The following CTNND2 variants were observed in gnomAD, a reference collection of about 807,000 sequenced individuals.
CTNND2 encodes catenin delta-2.
Under a neutral mutation model 144.4 loss-of-function variants are expected in CTNND2, and 22 were observed. That is an observed-to-expected ratio of 0.15 (90% CI 0.11 to 0.22). CTNND2 has a LOEUF of 0.22. Among genes scored for constraint, CTNND2 ranks in the 10% least tolerant of loss-of-function variants. The pLI is 1.00. For synonymous variants in CTNND2, 751 were observed against 695.6 expected, an observed-to-expected ratio of 1.08 and a Z score of -1.25; for missense variants, 1,353 against 1,618.8, an observed-to-expected ratio of 0.84 and a Z score of 2.82.
intron 2 of CTNND2, among the ~76,000 whole-genome samples, chr5:11,630,778 G>T (rs773518671): frequency 6.6e-6 from 1 of 151,710 alleles, no homozygotes; most frequent in African/African-American, 2.4e-5. Context: ...ATGGTGAAAT[G>T]CCGTCTCTAC....
At chr5:11,555,811 TC>T (rs1221340557) in intron 3 of CTNND2, among the ~76,000 whole-genome samples, 1 of 152,132 alleles carries the variant, frequency 6.6e-6, no homozygotes, top group Admixed American at 6.5e-5. Context: ...GAGGGAAGGT[TC>T]TGCTCTGGAA....
chr5:11,898,116 T>C (rs1349977708), intron 1 of CTNND2, among the ~76,000 whole-genome samples: 1 of 152,196 alleles, frequency 6.6e-6, no homozygotes, highest in East Asian at 1.9e-4. Flanking sequence ...GTAATTCAAC[T>C]GCCACACCAA....
intron 2 of CTNND2, among the ~76,000 whole-genome samples, chr5:11,680,578 C>T (rs752790568): frequency 9.9e-5 from 15 of 152,030 alleles, no homozygotes; most frequent in Non-Finnish European, 2.2e-4. Flanking sequence ...AGGTTTTCAG[C>T]GAGAAATTAT....
chr5:11,370,300 C>T (rs1291908237), intron 7 of CTNND2, among the ~76,000 whole-genome samples: 1 of 151,920 alleles, frequency 6.6e-6, no homozygotes, highest in Non-Finnish European at 1.5e-5. Context: ...ATACAACCCC[C>T]AAGAGATTCT....
At chr5:11,799,741 T>A (rs936795943) in intron 1 of CTNND2, among the ~76,000 whole-genome samples, 2 of 152,240 alleles carry the variant, frequency 1.3e-5, no homozygotes, top group African/African-American at 4.8e-5. Flanking sequence ...AACAGCATTC[T>A]AACTGCACAG....
intron 2 of CTNND2, among the ~76,000 whole-genome samples, chr5:11,613,253 TTG>T (rs1780421051): frequency 6.6e-6 from 1 of 152,194 alleles, no homozygotes; most frequent in South Asian, 2.1e-4. Flanking sequence ...AGTAATGAAA[TTG>T]TGGCTTACCT....
intron 2 of CTNND2, among the ~76,000 whole-genome samples, chr5:11,645,218 A>G (rs1405869585): frequency 6.6e-6 from 1 of 152,032 alleles, no homozygotes; most frequent in Non-Finnish European, 1.5e-5. Flanking sequence ...CTCCCACCTC[A>G]GTCTTCCCAA....
intron 12 of CTNND2, among the ~76,000 whole-genome samples, chr5:11,137,298 A>AT (rs1756261259): frequency 6.6e-6 from 1 of 152,168 alleles, no homozygotes; most frequent in Non-Finnish European, 1.5e-5. Flanking sequence ...AAAGGCAGGA[A>AT]TTTTATTAAT....
intron 2 of CTNND2, among the ~76,000 whole-genome samples, chr5:11,614,117 T>C (rs2126395560): frequency 6.6e-6 from 1 of 152,320 alleles, no homozygotes; most frequent in South Asian, 2.1e-4. Context: ...TAAAATAGTG[T>C]GATTATTTTG....
At chr5:11,197,189 G>T (rs545706547) in intron 11 of CTNND2, among the ~76,000 whole-genome samples, 46 of 152,288 alleles carry the variant, frequency 3.0e-4, no homozygotes, top group Middle Eastern at 6.8e-3. Context: ...ATCCATGATG[G>T]CAACTTCAGA....
intron 11 of CTNND2, among the ~76,000 whole-genome samples, chr5:11,172,835 G>C (rs1001922079): frequency 6.6e-6 from 1 of 152,198 alleles, no homozygotes; most frequent in Non-Finnish European, 1.5e-5. Flanking sequence ...CGTGGAGAGA[G>C]AGTGTTGGAG....
intron 11 of CTNND2, among the ~76,000 whole-genome samples, chr5:11,196,517 AG>A (rs1337781704): frequency 6.6e-6 from 1 of 152,186 alleles, no homozygotes; most frequent in Non-Finnish European, 1.5e-5. Flanking sequence ...AAAGGAAGTA[AG>A]GGGTATAGTT....
chr5:11,528,990 G>A (rs963092112), intron 3 of CTNND2, among the ~76,000 whole-genome samples: 4 of 152,188 alleles, frequency 2.6e-5, no homozygotes, highest in African/African-American at 9.7e-5. Flanking sequence ...TGACAGGTAT[G>A]GAGTGATGAA....
At chr5:11,382,576 C>T (rs1758601864) in intron 7 of CTNND2, among the ~76,000 whole-genome samples, 1 of 147,532 alleles carries the variant, frequency 6.8e-6, no homozygotes, top group South Asian at 2.2e-4. Context: ...CCAGCCTGGG[C>T]AACCGACAGA....
chr5:11,418,104 G>A (rs1393648912), intron 3 of CTNND2, among the ~76,000 whole-genome samples: 3 of 151,920 alleles, frequency 2.0e-5, no homozygotes, highest in African/African-American at 7.2e-5. Flanking sequence ...GTAAGATATC[G>A]GTTTGAAAAG....
At chr5:11,065,164 C>T (rs917070304) in intron 16 of CTNND2, among the ~76,000 whole-genome samples, 1 of 152,230 alleles carries the variant, frequency 6.6e-6, no homozygotes, top group Non-Finnish European at 1.5e-5. Flanking sequence ...AGAAGTCCTG[C>T]TTTAAGCCAA....
Position 10,973,426 on chromosome 5 carries a change from G to C in CTNND2, c.*27C>G. 1 of 1,542,588 alleles carries C rather than the reference G, an allele frequency of 6.5e-7. No individual in the cohort carries two copies. The highest frequency in any genetic ancestry group is 8.7e-7 in the Non-Finnish European group (1 of 1,145,952). Reference sequence around the variant, plus strand: ...CTTGTGGTATGCATGCACATGCACTGTTCCCGGAGCGCCTGTGCCCTGCTC... The same window carrying C: ...CTTGTGGTATGCATGCACATGCACTCTTCCCGGAGCGCCTGTGCCCTGCTC... On this transcript the variant is annotated 3_prime_UTR_variant, in exon 22 of 22. Coordinates refer to ENST00000304623, the MANE Select transcript of CTNND2 (RefSeq NM_001332.4). The surrounding 1 kb of genome is among the most constrained non-coding windows in gnomAD (Gnocchi z 5.6).
intron 9 of CTNND2, among the ~76,000 whole-genome samples, chr5:11,312,209 TCA>T (rs373866194): frequency 2.3e-4 from 17 of 73,066 alleles, no homozygotes; most frequent in African/African-American, 8.8e-4. Context: ...ACATACACAC[TCA>T]CACACTCCCC....
intron 2 of CTNND2, among the ~76,000 whole-genome samples, chr5:11,676,492 G>A (rs914135912): frequency 6.6e-6 from 1 of 151,758 alleles, no homozygotes; most frequent in Non-Finnish European, 1.5e-5. Flanking sequence ...TCGCAAAAGA[G>A]ATGAGCATTT....
Sources: allele counts gnomAD v4.1 joint callset (sites outside exome capture counted in the v4.1 genomes callset), GRCh38; gene constraint gnomAD v4.1.1; non-coding constraint Gnocchi (gnomAD v3.1); transcripts MANE v1.5; gene names NCBI Gene and HGNC (gene_info 2026-07-23, HGNC 2026-07-21).